Variants in ICE1 observed in about 807,000 individuals in gnomAD.
ICE1 encodes little elongation complex subunit 1.
In ICE1, 64 loss-of-function variants were observed where a neutral mutation model predicts 192.7. The ratio of observed to expected loss-of-function variants is 0.33; its 90% CI spans 0.27 to 0.41. The LOEUF (loss-of-function observed/expected upper bound fraction) is 0.41. Ranked by LOEUF, ICE1 falls within the 10% of genes least tolerant of loss-of-function variation. The pLI is 1.00. For synonymous variants in ICE1, 1,010 were observed against 984.5 expected (o/e 1.03, Z -0.49); for missense variants, 2,708 against 2,696.0 (o/e 1.00, Z -0.10).
At chr5:5,425,064 G>T (rs1737482061) in intron 1 of ICE1, among the ~76,000 whole-genome samples, 1 of 152,150 alleles carries the variant, frequency 6.6e-6, no homozygotes, top group South Asian at 2.1e-4. Flanking sequence ...GGTTGCTTAG[G>T]CCAGAAACTA....
intron 10 of ICE1, 79 bp downstream of exon 10, chr5:5,447,976 T>A: frequency 3.5e-6 from 4 of 1,148,830 alleles, no homozygotes; most frequent in South Asian, 1.5e-5. Flanking sequence ...CTCCTACATA[T>A]AATTGTGAAA....
intron 1 of ICE1, among the ~76,000 whole-genome samples, chr5:5,428,519 A>G (rs752447844): frequency 6.6e-6 from 1 of 152,180 alleles, no homozygotes; most frequent in Non-Finnish European, 1.5e-5. Context: ...CAATAATACA[A>G]ATAACCCTGA....
intron 3 of ICE1, among the ~76,000 whole-genome samples, 169 bp from the exon 4 acceptor site, chr5:5,439,725 AG>A (rs1296701921): frequency 1.3e-5 from 2 of 152,228 alleles, no homozygotes; most frequent in East Asian, 1.9e-4. Flanking sequence ...CTCAGTAAAA[AG>A]ACTTACCACT....
chr5:5,484,566 C>T (rs180732081), intron 17 of ICE1, among the ~76,000 whole-genome samples: 2 of 152,278 alleles, frequency 1.3e-5, no homozygotes, highest in East Asian at 3.9e-4. Context: ...GTTTCCTAGG[C>T]TCCCTAGAAA....
In ICE1 at chr5:5,439,911, A is replaced by C. The variant is rs1336839484; in HGVS notation, c.195A>C (p.Arg65Ser). 1 of 1,557,110 alleles carries C rather than the reference A, an allele frequency of 6.4e-7. No homozygotes were observed. Among genetic ancestry groups the C allele is most frequent in the Non-Finnish European group, 8.7e-7 (1 of 1,149,438 alleles). Reference sequence around the variant, plus strand: ...AAGTTTTACAGCTGCAGTTTGCAAGAAGGTGAGCCAACCTGTTTCATAGTT... The same window carrying C: ...AAGTTTTACAGCTGCAGTTTGCAAGCAGGTGAGCCAACCTGTTTCATAGTT... ...QKKCDELQFARRENSNLHHQV... is the reference protein window; with the variant it reads ...QKKCDELQFASRENSNLHHQV... Residue 65 changes from arginine (R) to serine (S), a missense_variant and splice_region_variant, in exon 4 of 19, where the codon AGA becomes AGC. Physicochemically the swap from Arg to Ser is moderately radical, Grantham distance 110. This residue lies in a region of ICE1 where 2,366 missense variants were observed against 2,276.6 expected (regional missense o/e 1.04). Coordinates refer to ENST00000296564, the MANE Select transcript of ICE1 (RefSeq NM_015325.3).
Position 5,444,299 on chromosome 5 carries a change from CT to C in ICE1, c.398del (p.Leu133GlnfsTer5). 1 of 1,566,106 alleles carries C rather than the reference CT, an allele frequency of 6.4e-7. No homozygotes were observed. Among genetic ancestry groups the C allele is most frequent in the East Asian group, 2.3e-5 (1 of 42,880 alleles). On this transcript the variant is annotated frameshift_variant, in exon 7 of 19. Coordinates refer to ENST00000296564, the MANE Select transcript of ICE1 (RefSeq NM_015325.3). LOFTEE classifies it high-confidence loss of function. ...CLKSDAQKKK[L>X]EAKVKKLQEA... Reference sequence around the variant, plus strand: ...CAATTTCGTTATTAGGAAGAAGAAACTAGAAGCTAAGGTGAAGAAGCTGCAA... The same window carrying C: ...CAATTTCGTTATTAGGAAGAAGAAACAGAAGCTAAGGTGAAGAAGCTGCAA...
intron 13 of ICE1, among the ~76,000 whole-genome samples, chr5:5,465,744 T>C (rs1195440892): frequency 1.3e-5 from 2 of 152,208 alleles, no homozygotes; most frequent in African/African-American, 4.8e-5. Flanking sequence ...TCACACTTAG[T>C]GCTTATCTGC....
In ICE1 at chr5:5,468,992, A is replaced by G; in HGVS notation, c.6222+4A>G. The G allele has an allele frequency of 6.6e-7, 1 of 1,504,884 alleles. No homozygotes were observed. The highest frequency in any genetic ancestry group is 8.8e-7 in the Non-Finnish European group (1 of 1,130,516). The allele number at this position is 1,504,884 out of a possible 1,614,324, so 93.2% of individuals were successfully genotyped here. ...AGCTTTTCTTAATTGGGAAAAGGTG[A>G]GCCATATTTCTGTTTCTTACAGTAT... On this transcript the variant is annotated splice_donor_region_variant and intron_variant, in intron 15 of 18. Transcript: ENST00000296564.
Position 5,461,200 on chromosome 5 carries a change from A to G in ICE1, c.1866A>G (p.Ala622=). ...ACTCAGGTGATGGAATGGATGTAGC[A>G]GGGCTTGACATTGAAACCAGTTTTT... ...DDDSGDGMDV[A]GLDIETSFSS... The change falls in exon 13 of 19, where the codon GCA becomes GCG. Residue 622 remains alanine (A), a synonymous_variant. Coordinates refer to ENST00000296564, the MANE Select transcript of ICE1 (RefSeq NM_015325.3). 6.2e-7 allele frequency: 1 copy of G among 1,614,040 alleles called. No individual in the cohort carries two copies. Among genetic ancestry groups the G allele is most frequent in the South Asian group, 1.1e-5 (1 of 91,080 alleles).
chr5:5,455,411 A>G, intron 11 of ICE1, among the ~76,000 whole-genome samples: 1 of 152,140 alleles, frequency 6.6e-6, no homozygotes. Flanking sequence ...GGTGCCCGCA[A>G]CTCTTAAATT....
At chr5:5,435,622 T>G (rs959562518) in intron 1 of ICE1, among the ~76,000 whole-genome samples, 5 of 151,924 alleles carry the variant, frequency 3.3e-5, no homozygotes, top group African/African-American at 1.2e-4. Flanking sequence ...GTTTTTCCTT[T>G]TGGGTTGATA....
intron 11 of ICE1, among the ~76,000 whole-genome samples, chr5:5,456,943 T>G (rs1458465701): frequency 6.6e-6 from 1 of 152,110 alleles, no homozygotes. Context: ...GGACAGAAAA[T>G]AGTGTTCTGT....
At chr5:5,472,163 T>C (rs1739172445) in intron 15 of ICE1, among the ~76,000 whole-genome samples, 1 of 152,160 alleles carries the variant, frequency 6.6e-6, no homozygotes, top group African/African-American at 2.4e-5. Flanking sequence ...AACATATTCA[T>C]AAACTTAAGA....
At chr5:5,460,389 T>C in intron 12 of ICE1, 47 bp from the exon 13 acceptor site, 3 of 1,109,030 alleles carry the variant, frequency 2.7e-6, no homozygotes, top group Non-Finnish European at 3.8e-6. Context: ...ATAGTCATGT[T>C]AATCTGTTGA....
chr5:5,436,101 A>G (rs984920853), intron 1 of ICE1, among the ~76,000 whole-genome samples: 3 of 152,154 alleles, frequency 2.0e-5, no homozygotes, highest in Non-Finnish European at 4.4e-5. Context: ...TCTCAGAAAC[A>G]ATGCAGGGTA....
chr5:5,473,359 T>C (rs1198916601), intron 15 of ICE1, among the ~76,000 whole-genome samples, 199 bp from the exon 16 acceptor site: 1 of 152,240 alleles, frequency 6.6e-6, no homozygotes, highest in Non-Finnish European at 1.5e-5. Flanking sequence ...TATTGCTTTT[T>C]AATCTGGCTC....
chr5:5,440,280 A>G (rs1448510553), intron 4 of ICE1, among the ~76,000 whole-genome samples: 1 of 152,238 alleles, frequency 6.6e-6, no homozygotes, highest in Non-Finnish European at 1.5e-5. Context: ...AAATAGGCCT[A>G]CATAAAATTT....
Position 5,489,438 on chromosome 5 carries a change from A to G in ICE1, c.*108A>G. On this transcript the variant is annotated 3_prime_UTR_variant, in exon 19 of 19. Coordinates refer to ENST00000296564, the MANE Select transcript of ICE1 (RefSeq NM_015325.3). ...AGGTTTCAAAACAAAAAGACATAAA[A>G]TAGATAAAACAGACCAGAGGCTCTC... The G allele has an allele frequency of 9.9e-7, 1 of 1,010,006 alleles. No homozygotes were observed. Among genetic ancestry groups the G allele is most frequent in the East Asian group, 2.6e-5 (1 of 37,854 alleles). 62.6% of individuals were successfully genotyped at this position (1,010,006 alleles called of 1,614,324 possible).
intron 17 of ICE1, among the ~76,000 whole-genome samples, chr5:5,476,434 T>C (rs1739313501): frequency 6.6e-6 from 1 of 152,226 alleles, no homozygotes; most frequent in Non-Finnish European, 1.5e-5. Context: ...ATTCTTGCAT[T>C]GCTATATAAA....
Sources: allele counts gnomAD v4.1 joint callset (sites outside exome capture counted in the v4.1 genomes callset), GRCh38; gene constraint gnomAD v4.1.1; regional missense constraint gnomAD v4.1.1; transcripts MANE v1.5; gene names NCBI Gene and HGNC (gene_info 2026-07-23, HGNC 2026-07-21).